SEPTIN14: variants seen among roughly 807,000 people sequenced by gnomAD.
SEPTIN14 encodes the protein septin 14, also known as septin-14.
A neutral mutation model predicts 53.6 loss-of-function variants in SEPTIN14; 40 were observed. That is an observed-to-expected ratio of 0.75 (90% CI 0.58 to 0.97). The LOEUF is 0.97. Ranked by LOEUF, SEPTIN14 falls within the 50% of genes least tolerant of loss-of-function variation. The pLI is 0.00. For missense variants in SEPTIN14, 471 were observed against 508.2 expected (o/e 0.93, Z 0.70); for synonymous variants, 138 against 166.8 (o/e 0.83, Z 1.33).
At chr7:55,850,401 C>T (rs1214055847) in intron 2 of SEPTIN14, among the ~76,000 whole-genome samples, 1 of 152,060 alleles carries the variant, frequency 6.6e-6, no homozygotes, top group East Asian at 1.9e-4. Context: ...ACCCAGGAGG[C>T]AGAGGTTGCA....
chr7:55,829,278 C>T (rs1789049138), intron 6 of SEPTIN14, among the ~76,000 whole-genome samples: 1 of 151,352 alleles, frequency 6.6e-6, no homozygotes, highest in African/African-American at 2.4e-5. Flanking sequence ...ACTCAGGAGG[C>T]TGAGGCATGA....
intron 9 of SEPTIN14, among the ~76,000 whole-genome samples, chr7:55,804,414 A>G (rs1433162887): frequency 1.3e-5 from 2 of 151,700 alleles, no homozygotes; most frequent in Non-Finnish European, 2.9e-5. Context: ...ATGCAGCACC[A>G]TGCCCAGCTA....
At chr7:55,861,376 C>T (rs1789746513) in intron 2 of SEPTIN14, among the ~76,000 whole-genome samples, 1 of 151,954 alleles carries the variant, frequency 6.6e-6, no homozygotes, top group Admixed American at 6.6e-5. Flanking sequence ...AAGGCAGGTG[C>T]CTGTAATCCC....
intron 8 of SEPTIN14, among the ~76,000 whole-genome samples, chr7:55,806,360 T>C (rs1283550700): frequency 1.3e-5 from 2 of 152,276 alleles, no homozygotes; most frequent in East Asian, 3.9e-4. Flanking sequence ...ACTTCCAGGA[T>C]GCTGCACTAC....
intron 7 of SEPTIN14, among the ~76,000 whole-genome samples, chr7:55,816,065 A>G (rs1788785249): frequency 6.6e-6 from 1 of 152,208 alleles, no homozygotes; most frequent in South Asian, 2.1e-4. Context: ...GATGGAACTG[A>G]GGACATTCTG....
At chr7:55,804,207 T>C (rs1788574360) in intron 9 of SEPTIN14, among the ~76,000 whole-genome samples, 2 of 149,678 alleles carry the variant, frequency 1.3e-5, no homozygotes, top group Middle Eastern at 3.4e-3. Context: ...TGTCATGACG[T>C]ACCCTTGTAT....
intron 6 of SEPTIN14, among the ~76,000 whole-genome samples, chr7:55,829,130 G>A (rs1381149103): frequency 6.6e-6 from 1 of 151,464 alleles, no homozygotes; most frequent in Non-Finnish European, 1.5e-5. Flanking sequence ...TATAATCCTA[G>A]CACTTTGGGA....
At chr7:55,858,915 GA>G (rs1789695832) in intron 2 of SEPTIN14, among the ~76,000 whole-genome samples, 1 of 152,150 alleles carries the variant, frequency 6.6e-6, no homozygotes, top group African/African-American at 2.4e-5. Flanking sequence ...CCTGGTAAAA[GA>G]AAAGGCATGT....
chr7:55,825,831 G>A (rs1788974221), intron 6 of SEPTIN14, among the ~76,000 whole-genome samples: 1 of 152,084 alleles, frequency 6.6e-6, no homozygotes. Context: ...GGCCGGGCAT[G>A]GTGGCTCACT....
At chr7:55,849,551 G>C (rs1789483834) in intron 2 of SEPTIN14, among the ~76,000 whole-genome samples, 1 of 151,618 alleles carries the variant, frequency 6.6e-6, no homozygotes, top group South Asian at 2.1e-4. Flanking sequence ...TTTGAGACCA[G>C]CCTGACCAAC....
intron 6 of SEPTIN14, among the ~76,000 whole-genome samples, chr7:55,832,264 A>G (rs569543712): frequency 1.3e-5 from 2 of 151,848 alleles, no homozygotes; most frequent in South Asian, 4.2e-4. Flanking sequence ...TATAAACACA[A>G]CAGATGTTGG....
At chr7:55,808,680 T>A (rs1342186393) in intron 7 of SEPTIN14, among the ~76,000 whole-genome samples, 1 of 152,160 alleles carries the variant, frequency 6.6e-6, no homozygotes, top group African/African-American at 2.4e-5. Context: ...GCCTCTCAAG[T>A]AGCTGGGATT....
intron 2 of SEPTIN14, among the ~76,000 whole-genome samples, chr7:55,856,399 G>GT (rs375815044): frequency 0.02 from 2,987 of 147,824 alleles, 95 homozygotes; most frequent in African/African-American, 0.065. Context: ...CCACTTTTTC[G>GT]TTTTTTTTTT....
intron 9 of SEPTIN14, among the ~76,000 whole-genome samples, chr7:55,799,134 G>A (rs1788482174): frequency 6.6e-6 from 1 of 152,010 alleles, no homozygotes; most frequent in Non-Finnish European, 1.5e-5. Context: ...AATGAATAAA[G>A]AAACAATTCT....
At chr7:55,839,600 GA>G (rs750738106) in intron 5 of SEPTIN14, among the ~76,000 whole-genome samples, 3 of 151,972 alleles carry the variant, frequency 2.0e-5, no homozygotes, top group Non-Finnish European at 4.4e-5. Flanking sequence ...TGTATGCATA[GA>G]AAAAAACAGT....
rs995656856 is a variant in SEPTIN14, at chr7:55,834,318, T to A, written c.720+107A>T. ...AATAAATCTGTTTACAAAGAATCGA[T>A]TCTCAGCAGAAGCTTTACAAAATTA... On this transcript the variant is annotated intron_variant, in intron 6 of 9. Transcript: ENST00000388975. The A allele has an allele frequency of 4.2e-6, 3 of 713,432 alleles. No homozygotes were observed. The African/African-American group carries it at 5.5e-5, about 13-fold the overall frequency. The allele number at this position is 713,432 out of a possible 1,614,324, so 44.2% of individuals were successfully genotyped here.
In SEPTIN14 at chr7:55,842,187, A is replaced by T. The variant is rs138592489; in HGVS notation, c.558+755T>A. ...GCCTAGATGTGTAGTAGGCTATATC[A>T]TGTAGGTATGTGTAGATACACTCTA... is the stretch of plus-strand genomic sequence containing the variant. On this transcript the variant is annotated intron_variant, in intron 5 of 9. Transcript: ENST00000388975. Among the ~76,000 whole-genome samples the T allele has an allele frequency of 1.3e-3, 191 of 152,318 alleles. 2 individuals are homozygous for T. Among genetic ancestry groups the T allele is most frequent in the Admixed American group, 0.011 (173 of 15,292 alleles).
intron 6 of SEPTIN14, among the ~76,000 whole-genome samples, chr7:55,825,836 C>T (rs1788974322): frequency 6.6e-6 from 1 of 152,004 alleles, no homozygotes; most frequent in Admixed American, 6.6e-5. Context: ...GGCATGGTGG[C>T]TCACTCCTGT....
At chr7:55,820,622 T>A (rs1788875478) in intron 6 of SEPTIN14, among the ~76,000 whole-genome samples, 1 of 152,160 alleles carries the variant, frequency 6.6e-6, no homozygotes, top group South Asian at 2.1e-4. Flanking sequence ...AGGATGGAAA[T>A]CTAAATCTGT....
Sources: gnomAD v4.1 joint callset for allele counts (sites outside exome capture counted in the v4.1 genomes callset) on GRCh38, gnomAD v4.1.1 for gene constraint, MANE v1.5 for transcripts, NCBI Gene and HGNC (gene_info 2026-07-23, HGNC 2026-07-21) for gene names.